The following DPF1 variants were observed in gnomAD, a reference collection of about 807,000 sequenced individuals.
DPF1 encodes the protein double PHD fingers 1.
DPF1 carries 14 observed loss-of-function variants against 58.7 expected under a neutral mutation model. The ratio of observed to expected loss-of-function variants is 0.24; its 90% CI spans 0.16 to 0.37. The LOEUF is 0.37. Ranked by LOEUF, DPF1 falls within the 10% of genes least tolerant of loss-of-function variation. The pLI is 1.00. For synonymous variants in DPF1, 216 were observed against 216.0 expected, an observed-to-expected ratio of 1.00 and a Z score of 0.00; for missense variants, 345 against 529.9, an observed-to-expected ratio of 0.65 and a Z score of 3.43.
chr19:38,216,700 G>A (rs373055216), intron 7 of DPF1, among the ~76,000 whole-genome samples: 2 of 152,164 alleles, frequency 1.3e-5, no homozygotes, highest in East Asian at 1.9e-4. Context: ...ACAAAGTGGC[G>A]GGATTATAAG....
chr19:38,214,029 C>T, intron 9 of DPF1: 1 of 432,328 alleles, frequency 2.3e-6, no homozygotes, highest in Non-Finnish European at 4.3e-6. Flanking sequence ...CAGTGCTGTG[C>T]CAACCACTTT....
chr19:38,217,368 A>G, intron 7 of DPF1, 92 bp downstream of exon 7: 31 of 1,195,770 alleles, frequency 2.6e-5, no homozygotes, highest in Non-Finnish European at 3.2e-5. Context: ...TTTTCCAGAA[A>G]TGTCTAATGC....
chr19:38,214,293 C>A (rs542172958), intron 9 of DPF1, among the ~76,000 whole-genome samples: 3 of 152,338 alleles, frequency 2.0e-5, no homozygotes, highest in Non-Finnish European at 4.4e-5. Flanking sequence ...CACTGTGCAG[C>A]GCCAGGCTTA....
rs1967964125 is a variant in DPF1, at chr19:38,229,559, G to A, written c.-132C>T. The A allele has an allele frequency of 8.4e-7, 1 of 1,189,584 alleles. No individual in the cohort carries two copies. Among genetic ancestry groups the A allele is most frequent in the Non-Finnish European group, 1.0e-6 (1 of 961,010 alleles). 73.7% of individuals were successfully genotyped at this position (1,189,584 alleles called of 1,614,324 possible). A position where few individuals can be genotyped will look rare whatever the true frequency, so the allele number is the denominator to read the frequency against. On this transcript the variant is annotated splice_region_variant and 5_prime_UTR_variant, in exon 1 of 12. Transcript: ENST00000412732. The surrounding 1 kb of genome is among the most constrained non-coding windows in gnomAD (Gnocchi z 5.3). ...GGGCGGGGACGGCAGGGACACTCAC[G>A]ACTTGAGCGGGTTCTGAATGGCGGT... is the stretch of plus-strand genomic sequence containing the variant.
Position 38,229,457 on chromosome 19 carries a change from C to A in DPF1, c.-132+102G>T, listed in dbSNP as rs923915612. ...CGCGCTGGGGGCCCCCATTCAACTA[C>A]GGTCCGCGCGCTGCGTCCCCCTCCT... On this transcript the variant is annotated intron_variant, in intron 1 of 11. Transcript: ENST00000412732. The surrounding 1 kb of genome is among the most constrained non-coding windows in gnomAD (Gnocchi z 5.3). 1.0e-4 allele frequency: 59 copies of A among 578,030 alleles called. No homozygotes were observed. The highest frequency in any genetic ancestry group is 1.2e-4 in the Non-Finnish European group (55 of 453,672). The allele number at this position is 578,030 out of a possible 1,614,324, so 35.8% of individuals were successfully genotyped here.
At chr19:38,227,984 T>G (rs908878507), upstream of DPF1, 2 of 152,108 alleles carry the variant, frequency 1.3e-5, no homozygotes, top group Non-Finnish European at 2.9e-5. Flanking sequence ...GCACACCTCC[T>G]CCCAGGGGTC....
intron 3 of DPF1, among the ~76,000 whole-genome samples, chr19:38,221,506 C>G (rs4803884): frequency 0.19 from 28,369 of 150,938 alleles, 2,759 homozygotes; most frequent in African/African-American, 0.23. Context: ...CGCCACTGTA[C>G]TCCAGCCTGG....
Position 38,222,520 on chromosome 19 carries a change from C to T in DPF1, c.190+28G>A. 1 of 1,604,706 alleles carries T rather than the reference C, an allele frequency of 6.2e-7. No individual in the cohort carries two copies. The highest frequency in any genetic ancestry group is 8.5e-7 in the Non-Finnish European group (1 of 1,176,002). On this transcript the variant is annotated intron_variant, in intron 2 of 11. Coordinates refer to ENST00000355526, the MANE Select transcript of DPF1 (RefSeq NM_001135155.3). The surrounding 1 kb of genome is among the most constrained non-coding windows in gnomAD (Gnocchi z 4.9). ...GCGGTGGGGCGGCCTGGCCCCGCCC[C>T]GCCCTGCGCCAGCCCTCCCGGCGGT...
intron 3 of DPF1, among the ~76,000 whole-genome samples, chr19:38,220,314 A>G (rs866352355): frequency 1.0e-5 from 1 of 99,500 alleles, no homozygotes; most frequent in East Asian, 2.5e-4. Context: ...AAGAGAAAGA[A>G]AGAAAGAAAG....
intron 5 of DPF1, 128 bp from the exon 6 acceptor site, chr19:38,218,004 C>A (rs1435344904): frequency 1.2e-6 from 1 of 843,384 alleles, no homozygotes; most frequent in Non-Finnish European, 1.9e-6. Flanking sequence ...GAGATCGAGA[C>A]CACCTTGGCC....
chr19:38,222,286 G>T lies in DPF1; in HGVS notation c.298+71C>A. 1 of 1,315,864 alleles carries T rather than the reference G, an allele frequency of 7.6e-7. No individual in the cohort carries two copies. 81.5% of individuals were successfully genotyped at this position (1,315,864 alleles called of 1,614,324 possible). On this transcript the variant is annotated intron_variant, in intron 3 of 11. Transcript: ENST00000355526. This position sits in a 1 kb window ranked among gnomAD's most constrained non-coding sequence, Gnocchi z 4.9. ...CAGACACTTGCTAGAAGGCGATAAA[G>T]GTGATGGACGAGTGCTAGGACACAC...
upstream of DPF1, among the ~76,000 whole-genome samples, chr19:38,224,752 G>A (rs1381067742): frequency 1.3e-5 from 2 of 152,124 alleles, no homozygotes; most frequent in Admixed American, 1.3e-4. The surrounding 1 kb of genome is among the most constrained non-coding windows in gnomAD (Gnocchi z 4.5). Flanking sequence ...AACGCCTTCT[G>A]CAGGCCTGAC....
Position 38,212,143 on chromosome 19 carries a change from C to T in DPF1, c.1094-10G>A, listed in dbSNP as rs1341246331. 1.2e-6 allele frequency: 2 copies of T among 1,607,682 alleles called. No homozygotes were observed. Among genetic ancestry groups the T allele is most frequent in the South Asian group, 2.2e-5 (2 of 89,790 alleles). On this transcript the variant is annotated splice_polypyrimidine_tract_variant and intron_variant, in intron 11 of 11. Transcript: ENST00000355526. The stretch of plus-strand genomic sequence containing the variant: ...TGACAGCTCCAGCTCCCTGCGGGGG[C>T]AGCCGAAGCTGAAGTCAGGCCCGGG...
chr19:38,227,153 G>A (rs1967868970), upstream of DPF1, among the ~76,000 whole-genome samples: 1 of 147,782 alleles, frequency 6.8e-6, no homozygotes, highest in Non-Finnish European at 1.5e-5. Context: ...AACACAGCTC[G>A]CTGCAGCCTC....
In DPF1 at chr19:38,211,232, C is replaced by T. The variant is rs1313054366; in HGVS notation, c.*831G>A. On this transcript the variant is annotated 3_prime_UTR_variant, in exon 12 of 12. Transcript: ENST00000355526. The surrounding 1 kb of genome is among the most constrained non-coding windows in gnomAD (Gnocchi z 4.0). ...AAACAACCACGCCCCCTCACTCCCCCAAAATGGCCAGCGAGGGGGGCGGGG... is the reference window on the plus strand; with the variant it reads ...AAACAACCACGCCCCCTCACTCCCCTAAAATGGCCAGCGAGGGGGGCGGGG... 6.6e-6 allele frequency: 1 copy of T among 152,254 alleles called. No homozygotes were observed. Among genetic ancestry groups the T allele is most frequent in the Non-Finnish European group, 1.5e-5 (1 of 68,110 alleles). 9.4% of individuals were successfully genotyped at this position (152,254 alleles called of 1,614,324 possible). A position where few individuals can be genotyped will look rare whatever the true frequency, so the allele number is the denominator to read the frequency against.
In DPF1 at chr19:38,229,487, C is replaced by T; in HGVS notation, c.-132+72G>A. 1.1e-6 allele frequency: 1 copy of T among 942,650 alleles called. No individual in the cohort carries two copies. Among genetic ancestry groups the T allele is most frequent in the African/African-American group, 1.7e-5 (1 of 57,492 alleles). 58.4% of individuals were successfully genotyped at this position (942,650 alleles called of 1,614,324 possible). A position where few individuals can be genotyped will look rare whatever the true frequency, so the allele number is the denominator to read the frequency against. On this transcript the variant is annotated intron_variant, in intron 1 of 11. Transcript: ENST00000412732. This position sits in a 1 kb window ranked among gnomAD's most constrained non-coding sequence, Gnocchi z 5.3. The stretch of plus-strand genomic sequence containing the variant: ...CGCGCGCTGCGTCCCCCTCCTCAGC[C>T]CCAGGGCGGGCGGGGGAAGGGCTCC...
chr19:38,224,293 G>A (rs1023868289), upstream of DPF1: 129 of 1,264,132 alleles, frequency 1.0e-4, 1 homozygote, highest in Non-Finnish European at 1.2e-4. This position sits in a 1 kb window ranked among gnomAD's most constrained non-coding sequence, Gnocchi z 4.5. Flanking sequence ...GCCCGCCCGG[G>A]CCATGCTGGG....
chr19:38,212,238 T>TTGG, intron 11 of DPF1, 42 bp downstream of exon 11: 9 of 585,030 alleles, frequency 1.5e-5, no homozygotes, highest in Non-Finnish European at 2.7e-5. Flanking sequence ...GAGATGGCGT[T>TTGG]CCCACCCACC....
At position 38,222,543 on chromosome 19, in the gene DPF1, G is replaced by C. The variant is rs752519932; in HGVS notation, c.190+5C>G. The C allele has an allele frequency of 2.5e-6, 4 of 1,605,688 alleles. No individual in the cohort carries two copies. Among genetic ancestry groups the C allele is most frequent in the Non-Finnish European group, 3.4e-6 (4 of 1,176,460 alleles). ...CCCGCCCTGCGCCAGCCCTCCCGGC[G>C]GTACCCGGCCCGCGGTGGGTCTTCT... On this transcript the variant is annotated splice_donor_5th_base_variant and intron_variant, in intron 2 of 11. Coordinates refer to ENST00000355526, the MANE Select transcript of DPF1 (RefSeq NM_001135155.3). This position sits in a 1 kb window ranked among gnomAD's most constrained non-coding sequence, Gnocchi z 4.9.
Sources: allele counts gnomAD v4.1 joint callset (sites outside exome capture counted in the v4.1 genomes callset), GRCh38; gene constraint gnomAD v4.1.1; non-coding constraint Gnocchi (gnomAD v3.1); transcripts MANE v1.5; gene names NCBI Gene and HGNC (gene_info 2026-07-23, HGNC 2026-07-21).